SAV1: variants seen among roughly 807,000 people sequenced by gnomAD.
SAV1 encodes protein salvador homolog 1.
A neutral mutation model predicts 47.3 loss-of-function variants in SAV1; 23 were observed. The observed-to-expected ratio is 0.49, with a 90% CI of 0.35 to 0.69. The LOEUF is 0.69. Ranked by LOEUF, SAV1 falls within the 30% of genes least tolerant of loss-of-function variation. The pLI, the probability that SAV1 is intolerant of heterozygous loss-of-function variation, is 0.01. For synonymous variants in SAV1, 155 were observed against 159.2 expected, an observed-to-expected ratio of 0.97 and a Z score of 0.20; for missense variants, 448 against 457.4, an observed-to-expected ratio of 0.98 and a Z score of 0.19.
At chr14:50,659,272 G>C (rs940147801) in intron 2 of SAV1, among the ~76,000 whole-genome samples, 1 of 152,126 alleles carries the variant, frequency 6.6e-6, no homozygotes, top group Non-Finnish European at 1.5e-5. Flanking sequence ...GTGCATGTGT[G>C]TTCCAATAAA....
rs867026240 is a variant in SAV1 at position 50,666,727 on chromosome 14, T to C, written c.95-1108A>G. Among the ~76,000 whole-genome samples, 5 of 150,778 alleles carry C rather than the reference T, an allele frequency of 3.3e-5. No homozygotes were observed. The South Asian group carries it at 1.0e-3, about 32-fold the overall frequency. ...TTTATTTGCAGCAAACAGCAAGCTA[T>C]CACTTAAAAACAGCCAGAAACCTAA... On this transcript the variant is annotated intron_variant, in intron 1 of 4. Coordinates refer to ENST00000324679, the MANE Select transcript of SAV1 (RefSeq NM_021818.4).
At chr14:50,662,010 T>C (rs2039864119) in intron 2 of SAV1, among the ~76,000 whole-genome samples, 1 of 152,180 alleles carries the variant, frequency 6.6e-6, no homozygotes, top group Non-Finnish European at 1.5e-5. Context: ...AAATGACTGG[T>C]ATTTTAATAG....
chr14:50,667,857 C>G lies in SAV1; in HGVS notation c.94+17G>C, dbSNP rs1368199408. 1.2e-6 allele frequency: 2 copies of G among 1,611,506 alleles called. No homozygotes were observed. Among genetic ancestry groups the G allele is most frequent in the Admixed American group, 1.7e-5 (1 of 59,902 alleles). ...GCCGCCTGGGCCAGGTGTGGGCACG[C>G]CCCGCCTGACACTCACTCCGAAGCA... On this transcript the variant is annotated intron_variant, in intron 1 of 4. Transcript: ENST00000324679.
intron 2 of SAV1, among the ~76,000 whole-genome samples, chr14:50,646,865 A>G (rs556170949): frequency 6.6e-6 from 1 of 152,332 alleles, no homozygotes; most frequent in African/African-American, 2.4e-5. Context: ...CTATAAAGCT[A>G]CATTAATCAA....
chr14:50,635,891 T>A (rs1156497481), intron 4 of SAV1, among the ~76,000 whole-genome samples: 3 of 152,120 alleles, frequency 2.0e-5, no homozygotes, highest in Non-Finnish European at 4.4e-5. Context: ...GTATTTTTAG[T>A]AGAGACAGAG....
intron 4 of SAV1, among the ~76,000 whole-genome samples, chr14:50,635,671 TA>T (rs1276074305): frequency 6.6e-6 from 1 of 152,160 alleles, no homozygotes; most frequent in African/African-American, 2.4e-5. Context: ...ATCAGTTTTT[TA>T]AAAATCTGAG....
chr14:50,646,445 G>C lies in SAV1; in HGVS notation c.536-1431C>G, dbSNP rs2039722527. Among the ~76,000 whole-genome samples, 3 of 152,304 alleles carry C rather than the reference G, an allele frequency of 2.0e-5. No homozygotes were observed. In the South Asian group the frequency reaches 6.2e-4, roughly 32 times the overall value. ...TCACGCCTGTAATCCGAGCACTTTG[G>C]GAGGCCAAGGTGAGCGGATCACCTG... On this transcript the variant is annotated intron_variant, in intron 2 of 4. Transcript: ENST00000324679.
rs2039611134 is a variant in SAV1 at position 50,634,119 on chromosome 14, G to T, written c.*1064C>A. Reference sequence around the variant, plus strand: ...CTGTCAGAAGGCAGTATGCTATGCTGTCAGGAACTCTCCACTGCCTCGTCA... The same window carrying T: ...CTGTCAGAAGGCAGTATGCTATGCTTTCAGGAACTCTCCACTGCCTCGTCA... On this transcript the variant is annotated 3_prime_UTR_variant, in exon 5 of 5. Transcript: ENST00000324679. The T allele has an allele frequency of 2.2e-6, 1 of 453,776 alleles. No individual in the cohort carries two copies. The highest frequency in any genetic ancestry group is 2.0e-5 in the African/African-American group (1 of 50,042). The allele number at this position is 453,776 out of a possible 1,614,324, so 28.1% of individuals were successfully genotyped here.
At chr14:50,659,371 C>A (rs1407982503) in intron 2 of SAV1, among the ~76,000 whole-genome samples, 2 of 152,064 alleles carry the variant, frequency 1.3e-5, no homozygotes, top group Non-Finnish European at 2.9e-5. Context: ...ATTAAAAACA[C>A]CCTCAAGATT....
At chr14:50,653,807 G>C (rs1191072797) in intron 2 of SAV1, among the ~76,000 whole-genome samples, 3 of 151,714 alleles carry the variant, frequency 2.0e-5, no homozygotes, top group Non-Finnish European at 4.4e-5. Flanking sequence ...AAGTGGGGGT[G>C]GCAGTGAGCC....
At position 50,665,255 on chromosome 14, in the gene SAV1, A is replaced by C; in HGVS notation, c.459T>G (p.His153Gln). 8 of 1,613,822 alleles carry C rather than the reference A, an allele frequency of 5.0e-6. No individual in the cohort carries two copies. Among genetic ancestry groups the C allele is most frequent in the Non-Finnish European group, 5.9e-6 (7 of 1,179,784 alleles). The change falls in exon 2 of 5, where the codon CAT becomes CAG. Residue 153 changes from histidine to glutamine, a missense_variant. Physicochemically the swap from His to Gln is conservative, Grantham distance 24. Transcript: ENST00000324679. ...QRKRPLGDRA[H>Q]EDYRYYEYNH... is the part of the protein sequence containing the mutation. Reference sequence around the variant, plus strand: ...TGTATTCATAATATCTGTAGTCTTCATGTGCACGATCTCCAAGTGGCCGCT... The same window carrying C: ...TGTATTCATAATATCTGTAGTCTTCCTGTGCACGATCTCCAAGTGGCCGCT...
At chr14:50,643,106 C>T (rs1187095490) in intron 3 of SAV1, among the ~76,000 whole-genome samples, 3 of 152,214 alleles carry the variant, frequency 2.0e-5, no homozygotes, top group Non-Finnish European at 4.4e-5. Flanking sequence ...ACTAGTAATA[C>T]TACATATGTG....
chr14:50,636,537 C>G (rs1234823120), intron 4 of SAV1, among the ~76,000 whole-genome samples: 1 of 152,184 alleles, frequency 6.6e-6, no homozygotes, highest in African/African-American at 2.4e-5. Context: ...TTACATATAT[C>G]ATGGAAGACC....
rs778540402 is a variant in SAV1, at chr14:50,644,853, G to A, written c.697C>T (p.Arg233Ter). 9 of 1,613,958 alleles carry A rather than the reference G, an allele frequency of 5.6e-6. No individual in the cohort carries two copies. Among genetic ancestry groups the A allele is most frequent in the Admixed American group, 1.7e-5 (1 of 59,998 alleles). The change falls in exon 3 of 5, where the codon CGA (arginine) becomes TGA (stop). Residue 233 changes from arginine to a stop codon, truncating the protein, a stop_gained. Coordinates refer to ENST00000324679, the MANE Select transcript of SAV1 (RefSeq NM_021818.4). LOFTEE classifies it high-confidence loss of function. ...NTTHWSHPLE[R>*]EGLPPGWERV... ...TCCCATCCAGGAGGAAGTCCTTCTCGCTCAAGAGGATGGCTCCAGTGAGTT... is the reference window on the plus strand; with the variant it reads ...TCCCATCCAGGAGGAAGTCCTTCTCACTCAAGAGGATGGCTCCAGTGAGTT...
chr14:50,635,341 G>A lies in SAV1; in HGVS notation c.994C>T (p.Leu332=). ...LKWELFQLAD[L]DTYQGMLKLL... ...TTTAGCATTCCCTGGTATGTATCCA[G>A]GTCAGCCAGCTGGAAGAGTTCCCAC... Residue 332 remains leucine, a synonymous_variant, in exon 5 of 5, where the codon CTG becomes TTG. Transcript: ENST00000324679. 1 of 1,614,076 alleles carries A rather than the reference G, an allele frequency of 6.2e-7. No homozygotes were observed. Among genetic ancestry groups the A allele is most frequent in the Non-Finnish European group, 8.5e-7 (1 of 1,179,996 alleles).
At chr14:50,663,386 A>C (rs2140265466) in intron 2 of SAV1, among the ~76,000 whole-genome samples, 1 of 152,370 alleles carries the variant, frequency 6.6e-6, no homozygotes, top group Middle Eastern at 3.4e-3. Flanking sequence ...TAGTTAGATA[A>C]CAAATTATTC....
rs771403561 is a variant in SAV1, at chr14:50,637,663, A to ATTTTTTTTTTTTTTTTTTTTTT, written c.951-2280_951-2279insAAAAAAAAAAAAAAAAAAAAAA. On this transcript the variant is annotated intron_variant, in intron 4 of 4. Transcript: ENST00000324679. Reference sequence around the variant, plus strand: ...GAAAAAATCTTCAAACAATTTTGTCAGTTTTTTTTTTTTTTTTTTTTTTTT... The same window carrying ATTTTTTTTTTTTTTTTTTTTTT: ...GAAAAAATCTTCAAACAATTTTGTCATTTTTTTTTTTTTTTTTTTTTTGTTTTTTTTTTTTTTTTTTTTTTTT... 9.3e-5 allele frequency: 12 copies of ATTTTTTTTTTTTTTTTTTTTTT among 128,766 alleles called. 3 individuals carry two copies. Among genetic ancestry groups the ATTTTTTTTTTTTTTTTTTTTTT allele is most frequent in the Non-Finnish European group, 7.8e-5 (5 of 64,320 alleles). The allele number at this position is 128,766 out of a possible 1,614,324, so 8.0% of individuals were successfully genotyped here.
At chr14:50,646,120 G>A (rs2039719427) in intron 2 of SAV1, among the ~76,000 whole-genome samples, 1 of 152,144 alleles carries the variant, frequency 6.6e-6, no homozygotes, top group Non-Finnish European at 1.5e-5. Context: ...GTAGATGCCT[G>A]AAACTGCAGA....
chr14:50,636,422 A>G (rs992306511), intron 4 of SAV1, among the ~76,000 whole-genome samples: 1 of 152,232 alleles, frequency 6.6e-6, no homozygotes, highest in Non-Finnish European at 1.5e-5. Flanking sequence ...CATCTAAAAA[A>G]ACAAACAGGA....
Sources: gnomAD v4.1 joint callset for allele counts (sites outside exome capture counted in the v4.1 genomes callset) on GRCh38, gnomAD v4.1.1 for gene constraint, MANE v1.5 for transcripts, NCBI Gene and HGNC (gene_info 2026-07-23, HGNC 2026-07-21) for gene names.